Variants in ATP10A observed in about 807,000 individuals in gnomAD.
ATP10A encodes phospholipid-transporting ATPase VA.
ATP10A carries 111 observed loss-of-function variants against 147.8 expected under a neutral mutation model. That is an observed-to-expected ratio of 0.75 (90% CI 0.64 to 0.88). The LOEUF is 0.88. Among genes scored for constraint, ATP10A ranks in the 40% least tolerant of loss-of-function variants. The probability of loss-of-function intolerance (pLI) is 0.00; values close to 1 mark genes in which losing one functional copy is unlikely to be tolerated. For missense variants in ATP10A, 1,927 were observed against 1,959.0 expected, an observed-to-expected ratio of 0.98 and a Z score of 0.31; for synonymous variants, 875 against 841.6, an observed-to-expected ratio of 1.04 and a Z score of -0.69.
chr15:25,850,066 C>T (rs2140908037), intron 1 of ATP10A, among the ~76,000 whole-genome samples: 1 of 152,280 alleles, frequency 6.6e-6, no homozygotes, highest in East Asian at 1.9e-4. Flanking sequence ...TTAAATCACG[C>T]AGGTCGATAA....
intron 1 of ATP10A, among the ~76,000 whole-genome samples, chr15:25,823,826 T>TAA (rs1328593548): frequency 1.3e-5 from 2 of 152,254 alleles, no homozygotes; most frequent in Admixed American, 1.3e-4. Flanking sequence ...TTCATTACTA[T>TAA]ATTTAAAATA....
chr15:25,772,280 C>A (rs1003454526), intron 2 of ATP10A, among the ~76,000 whole-genome samples: 4 of 152,136 alleles, frequency 2.6e-5, no homozygotes, highest in Non-Finnish European at 5.9e-5. Flanking sequence ...GGGCTCTCTC[C>A]TCCGAACGTC....
At chr15:25,755,264 T>C (rs1351740859) in intron 2 of ATP10A, among the ~76,000 whole-genome samples, 1 of 152,148 alleles carries the variant, frequency 6.6e-6, no homozygotes, top group Non-Finnish European at 1.5e-5. Flanking sequence ...AGGTCTTAAT[T>C]GTAACATATG....
chr15:25,801,808 A>G (rs1271112358), intron 1 of ATP10A, among the ~76,000 whole-genome samples: 1 of 152,114 alleles, frequency 6.6e-6, no homozygotes, highest in Admixed American at 6.5e-5. Context: ...CTGAACCCCA[A>G]TGGATGTATC....
rs987248426 is a variant in ATP10A, at chr15:25,694,579, A to G, written c.3088+240T>C. Among the ~76,000 whole-genome samples, 22 of 152,226 alleles carry G rather than the reference A, an allele frequency of 1.4e-4. 1 individual carries two copies. The highest frequency in any genetic ancestry group is 1.4e-3 in the Admixed American group (21 of 15,288). ...AGGGTAAGCTCCATCTTGTTGCCGT[A>G]AAGCAGCACCGGATTACTGACCTTG... On this transcript the variant is annotated intron_variant, in intron 14 of 20. Transcript: ENST00000555815.
chr15:25,798,139 T>A (rs1341621723), intron 1 of ATP10A, among the ~76,000 whole-genome samples: 2 of 152,098 alleles, frequency 1.3e-5, no homozygotes, highest in Non-Finnish European at 1.5e-5. Flanking sequence ...GTTAAGGAGC[T>A]CCTCAGCTTC....
At chr15:25,747,738 T>C (rs1011326188) in intron 2 of ATP10A, among the ~76,000 whole-genome samples, 1 of 152,204 alleles carries the variant, frequency 6.6e-6, no homozygotes, top group Non-Finnish European at 1.5e-5. Flanking sequence ...AATTGAAAGG[T>C]AGTTTGAATC....
intron 10 of ATP10A, chr15:25,709,830 A>T (rs566443756): frequency 6.6e-6 from 1 of 152,408 alleles, no homozygotes; most frequent in Non-Finnish European, 1.5e-5. Context: ...CGCACCTACC[A>T]CTGGGCAGTC....
chr15:25,691,576 G>T, intron 15 of ATP10A, 139 bp downstream of exon 15: 2 of 770,500 alleles, frequency 2.6e-6, no homozygotes, highest in South Asian at 1.6e-5. Context: ...CAGCTGTATT[G>T]AGCATCAGCT....
chr15:25,696,967 C>G (rs1900373528), intron 13 of ATP10A, among the ~76,000 whole-genome samples: 1 of 152,196 alleles, frequency 6.6e-6, no homozygotes. Flanking sequence ...ATTCTGCCCC[C>G]ACTTGGCGCT....
chr15:25,839,989 A>C (rs1404801851), intron 1 of ATP10A, among the ~76,000 whole-genome samples: 1 of 152,116 alleles, frequency 6.6e-6, no homozygotes, highest in African/African-American at 2.4e-5. Context: ...ACCCACACAC[A>C]ATCAAGATGG....
At chr15:25,774,582 GAA>G (rs201795381) in intron 2 of ATP10A, among the ~76,000 whole-genome samples, 82,663 of 141,822 alleles carry the variant, frequency 0.58, 23,276 homozygotes, top group East Asian at 0.75. Context: ...GTCTCAAAAA[GAA>G]AAAAAAAAAA....
At chr15:25,698,086 G>A (rs747128978) in intron 13 of ATP10A, among the ~76,000 whole-genome samples, 4 of 152,110 alleles carry the variant, frequency 2.6e-5, no homozygotes, top group Non-Finnish European at 4.4e-5. Flanking sequence ...TGTTCTGGAT[G>A]GGATCCCAGA....
chr15:25,814,850 CA>C (rs1230493892), intron 1 of ATP10A, among the ~76,000 whole-genome samples: 2 of 152,208 alleles, frequency 1.3e-5, no homozygotes, highest in Non-Finnish European at 2.9e-5. Context: ...GAGCCAGCCA[CA>C]TAGTCTGGTA....
intron 1 of ATP10A, among the ~76,000 whole-genome samples, chr15:25,788,928 T>TTA (rs911011908): frequency 2.0e-5 from 3 of 152,300 alleles, no homozygotes; most frequent in Middle Eastern, 3.4e-3. Context: ...GCTTTGTGCC[T>TTA]TATAGATGAA....
intron 2 of ATP10A, among the ~76,000 whole-genome samples, chr15:25,759,045 C>A (rs1004779679): frequency 1.3e-5 from 2 of 152,226 alleles, no homozygotes; most frequent in African/African-American, 2.4e-5. Flanking sequence ...AATGGGGGAC[C>A]GACACAGCAC....
Position 25,702,060 on chromosome 15 carries a change from A to C in ATP10A, c.2616T>G (p.Pro872=). ...CTTGACGCAATTTAGAAATAGTTTC[A>C]GGGACTCCGTCCTGCAGGCGGTCTT... The part of the protein sequence containing the change: ...GIEDRLQDGV[P]ETISKLRQAG... Residue 872 remains proline, a synonymous_variant, in exon 13 of 21, where the codon CCT becomes CCG. Coordinates refer to ENST00000555815, the MANE Select transcript of ATP10A (RefSeq NM_024490.4). The C allele has an allele frequency of 6.2e-7, 1 of 1,614,108 alleles. No homozygotes were observed. The highest frequency in any genetic ancestry group is 8.5e-7 in the Non-Finnish European group (1 of 1,179,966).
chr15:25,828,871 G>A (rs1405556347), intron 1 of ATP10A, among the ~76,000 whole-genome samples: 2 of 152,134 alleles, frequency 1.3e-5, no homozygotes, highest in Non-Finnish European at 2.9e-5. Flanking sequence ...TGTGATCTTT[G>A]ACTGCATCAA....
At chr15:25,739,001 A>G (rs979277639) in intron 2 of ATP10A, among the ~76,000 whole-genome samples, 1 of 152,230 alleles carries the variant, frequency 6.6e-6, no homozygotes, top group Non-Finnish European at 1.5e-5. Context: ...TAACAGAAAA[A>G]GATTGTACAA....
Sources: gnomAD v4.1 joint callset for allele counts (sites outside exome capture counted in the v4.1 genomes callset) on GRCh38, gnomAD v4.1.1 for gene constraint, MANE v1.5 for transcripts, NCBI Gene and HGNC (gene_info 2026-07-23, HGNC 2026-07-21) for gene names.